Variants in SPOPL observed in about 807,000 individuals in gnomAD.
SPOPL encodes speckle-type POZ protein-like.
Under a neutral mutation model 53.8 loss-of-function variants are expected in SPOPL, and 23 were observed. The ratio of observed to expected loss-of-function variants is 0.43; its 90% CI spans 0.31 to 0.61. SPOPL has a LOEUF of 0.61. Ranked by LOEUF, SPOPL falls within the 20% of genes least tolerant of loss-of-function variation. The pLI is 0.12. For synonymous variants in SPOPL, 164 were observed against 149.7 expected (o/e 1.10, Z -0.70); for missense variants, 442 against 466.9 (o/e 0.95, Z 0.49).
At chr2:138,539,666 G>A (rs2104881070) in intron 1 of SPOPL, among the ~76,000 whole-genome samples, 1 of 152,236 alleles carries the variant, frequency 6.6e-6, no homozygotes, top group Middle Eastern at 3.4e-3. Flanking sequence ...TGTCAGATGA[G>A]TAGATTGCAA....
intron 3 of SPOPL, 134 bp downstream of exon 3, chr2:138,550,738 AGT>A (rs1401424048): frequency 2.1e-6 from 3 of 1,418,336 alleles, no homozygotes; most frequent in Non-Finnish European, 2.9e-6. Flanking sequence ...TGTTCCTAAT[AGT>A]GTGGGGAATT....
At chr2:138,509,600 A>C (rs1684286780) in intron 1 of SPOPL, among the ~76,000 whole-genome samples, 1 of 152,040 alleles carries the variant, frequency 6.6e-6, no homozygotes, top group East Asian at 1.9e-4. Flanking sequence ...TTAAAAAAAT[A>C]GATTTTATGT....
chr2:138,548,527 T>TA (rs1419783719), intron 1 of SPOPL, among the ~76,000 whole-genome samples: 1 of 152,020 alleles, frequency 6.6e-6, no homozygotes, highest in African/African-American at 2.4e-5. Context: ...CCTCTCCTCT[T>TA]ACACTCTCAC....
At position 138,525,662 on chromosome 2, in the gene SPOPL, A is replaced by C. The variant is rs1435771470; in HGVS notation, c.-61+23543A>C. 1.9e-5 allele frequency among the ~76,000 whole-genome samples: 2 copies of C among 104,576 alleles called. 1 individual carries two copies. The highest frequency in any genetic ancestry group is 4.0e-5 in the Non-Finnish European group (2 of 49,606). The allele number at this position is 104,576 out of a possible 152,430, so 68.6% of individuals were successfully genotyped here. On this transcript the variant is annotated intron_variant, in intron 1 of 10. Coordinates refer to ENST00000280098, the MANE Select transcript of SPOPL (RefSeq NM_001001664.3). ...TGCATCAGTATAAAAAGTAGAAAAA[A>C]AAAAAAAAAAAATACACAAAAAACA...
chr2:138,570,064 G>A lies in SPOPL; in HGVS notation c.*984G>A, dbSNP rs964146599. 1.0e-4 allele frequency: 16 copies of A among 152,482 alleles called. No homozygotes were observed. The highest frequency in any genetic ancestry group is 3.4e-4 in the African/African-American group (14 of 41,434). 9.4% of individuals were successfully genotyped at this position (152,482 alleles called of 1,614,324 possible). A position where few individuals can be genotyped will look rare whatever the true frequency, so the allele number is the denominator to read the frequency against. On this transcript the variant is annotated 3_prime_UTR_variant, in exon 11 of 11. Coordinates refer to ENST00000280098, the MANE Select transcript of SPOPL (RefSeq NM_001001664.3). ...AACTGGGATGTTTGTGATAATAGAT[G>A]AGAAAGACATCCTTGATTGTAGTTA...
At chr2:138,529,714 A>G (rs980678253) in intron 1 of SPOPL, among the ~76,000 whole-genome samples, 2 of 152,174 alleles carry the variant, frequency 1.3e-5, no homozygotes, top group Admixed American at 1.3e-4. Context: ...TTGCATTTCC[A>G]TGTAAGTTTT....
rs530626128 is a variant in SPOPL, at chr2:138,570,709, G to T, written c.*1629G>T. ...TTTAATGTTTGAATTCAGGACAAAAGAAAAAATGAAGCTTGAGGTGTTTTC... is the reference window on the plus strand; with the variant it reads ...TTTAATGTTTGAATTCAGGACAAAATAAAAAATGAAGCTTGAGGTGTTTTC... On this transcript the variant is annotated 3_prime_UTR_variant, in exon 11 of 11. Transcript: ENST00000280098. The T allele has an allele frequency of 6.6e-6, 1 of 152,164 alleles. No homozygotes were observed. Among genetic ancestry groups the T allele is most frequent in the East Asian group, 1.9e-4 (1 of 5,178 alleles). The allele number at this position is 152,164 out of a possible 1,614,324, so 9.4% of individuals were successfully genotyped here.
intron 1 of SPOPL, among the ~76,000 whole-genome samples, chr2:138,512,303 T>C (rs1684341035): frequency 6.6e-6 from 1 of 152,214 alleles, no homozygotes; most frequent in South Asian, 2.1e-4. Flanking sequence ...AGCTGAAATC[T>C]GCTTTCCTTT....
intron 1 of SPOPL, among the ~76,000 whole-genome samples, chr2:138,517,222 G>C (rs906302558): frequency 6.6e-5 from 10 of 152,156 alleles, no homozygotes; most frequent in African/African-American, 2.2e-4. Flanking sequence ...ATTATAGAGG[G>C]TGGTTGGGAT....
rs1486036572 is a variant in SPOPL, at chr2:138,572,219, A to C, written c.*3139A>C. On this transcript the variant is annotated 3_prime_UTR_variant, in exon 11 of 11. Coordinates refer to ENST00000280098, the MANE Select transcript of SPOPL (RefSeq NM_001001664.3). ...AATGATAATTTTCAAAAATGTGATC[A>C]ATTTACTGCATGATGAAATGTGAAA... 6.6e-6 allele frequency: 1 copy of C among 152,620 alleles called. No individual in the cohort carries two copies. The highest frequency in any genetic ancestry group is 1.5e-5 in the Non-Finnish European group (1 of 68,026). The allele number at this position is 152,620 out of a possible 1,614,324, so 9.5% of individuals were successfully genotyped here.
At chr2:138,551,138 G>A in intron 4 of SPOPL, 84 bp downstream of exon 4, 1 of 1,490,486 alleles carries the variant, frequency 6.7e-7, no homozygotes, top group Non-Finnish European at 9.0e-7. Flanking sequence ...AGAAAAGTCT[G>A]GGACTTTTTT....
chr2:138,561,042 C>G (rs1685535358), intron 8 of SPOPL, 115 bp downstream of exon 8: 2 of 1,292,680 alleles, frequency 1.5e-6, no homozygotes, highest in South Asian at 1.4e-5. Flanking sequence ...CTCTTGAGAG[C>G]TTTATGAAAT....
At chr2:138,568,588 C>G (rs1685714398) in intron 10 of SPOPL, among the ~76,000 whole-genome samples, 1 of 151,884 alleles carries the variant, frequency 6.6e-6, no homozygotes, top group Non-Finnish European at 1.5e-5. Flanking sequence ...GAGTAGAGTC[C>G]AATATTTGTA....
chr2:138,551,847 T>C (rs1685319832), intron 4 of SPOPL, among the ~76,000 whole-genome samples: 2 of 152,056 alleles, frequency 1.3e-5, no homozygotes, highest in South Asian at 4.1e-4. Flanking sequence ...CTGTAGAGGA[T>C]CTTGTTTACT....
rs149849394 is a variant in SPOPL, at chr2:138,502,759, A to G, written c.-61+640A>G. Among the ~76,000 whole-genome samples the G allele has an allele frequency of 3.9e-5, 6 of 152,312 alleles. No individual in the cohort carries two copies. In the East Asian group the frequency reaches 9.6e-4, roughly 24 times the overall value. The stretch of plus-strand genomic sequence containing the variant: ...CGGGGTCCAAGTCTTCAAAGAGCCC[A>G]CTTGTATTCCTGCTGCTCTCCTTTT... On this transcript the variant is annotated intron_variant, in intron 1 of 10. Transcript: ENST00000280098.
chr2:138,517,950 A>G (rs541874931), intron 1 of SPOPL, among the ~76,000 whole-genome samples: 1 of 149,276 alleles, frequency 6.7e-6, no homozygotes, highest in African/African-American at 2.5e-5. Context: ...TGCAGGGCTG[A>G]GGCAGGACAA....
chr2:138,571,768 T>C lies in SPOPL; in HGVS notation c.*2688T>C, dbSNP rs1286651034. 1 of 152,618 alleles carries C rather than the reference T, an allele frequency of 6.6e-6. No homozygotes were observed. The highest frequency in any genetic ancestry group is 1.5e-5 in the Non-Finnish European group (1 of 68,016). The allele number at this position is 152,618 out of a possible 1,614,324, so 9.5% of individuals were successfully genotyped here. ...AGGCTTTTTCTGAGAAGGTAGTGAA[T>C]GGTTTCAAATGTTGCATACTATAAG... On this transcript the variant is annotated 3_prime_UTR_variant, in exon 11 of 11. Coordinates refer to ENST00000280098, the MANE Select transcript of SPOPL (RefSeq NM_001001664.3).
chr2:138,545,440 G>A (rs953848313), intron 1 of SPOPL, among the ~76,000 whole-genome samples: 1 of 145,084 alleles, frequency 6.9e-6, no homozygotes, highest in African/African-American at 2.5e-5. Flanking sequence ...TTTTGTTTTT[G>A]TTTTTTTTTT....
At chr2:138,548,870 G>A (rs1294851380) in intron 1 of SPOPL, among the ~76,000 whole-genome samples, 1 of 151,964 alleles carries the variant, frequency 6.6e-6, no homozygotes, top group Non-Finnish European at 1.5e-5. Context: ...TACTCTTTCA[G>A]TACATTTATT....
Sources: allele counts gnomAD v4.1 joint callset (sites outside exome capture counted in the v4.1 genomes callset), GRCh38; gene constraint gnomAD v4.1.1; transcripts MANE v1.5; gene names NCBI Gene and HGNC (gene_info 2026-07-23, HGNC 2026-07-21).